Variants in TTC28 observed in about 807,000 individuals in gnomAD.
TTC28 encodes the protein tetratricopeptide repeat protein 28.
Under a neutral mutation model 198.0 loss-of-function variants are expected in TTC28, and 61 were observed. That is an observed-to-expected ratio of 0.31 (90% CI 0.25 to 0.38). The LOEUF is 0.38. Ranked by LOEUF, TTC28 falls within the 10% of genes least tolerant of loss-of-function variation. The pLI is 1.00. For missense variants in TTC28, 2,678 were observed against 3,164.0 expected (o/e 0.85, Z 3.69); for synonymous variants, 1,171 against 1,297.8 (o/e 0.90, Z 2.10).
At chr22:28,257,987 C>A (rs910338243) in intron 5 of TTC28, among the ~76,000 whole-genome samples, 1 of 151,570 alleles carries the variant, frequency 6.6e-6, no homozygotes, top group East Asian at 1.9e-4. Flanking sequence ...GAGTAAAAGG[C>A]CCTCAAAATT....
rs1937029353 is a variant in TTC28 at position 27,981,730 on chromosome 22, A to G, written c.*491T>C. 1 of 153,226 alleles carries G rather than the reference A, an allele frequency of 6.5e-6. No homozygotes were observed. Among genetic ancestry groups the G allele is most frequent in the Non-Finnish European group, 1.5e-5 (1 of 68,840 alleles). The allele number at this position is 153,226 out of a possible 1,614,324, so 9.5% of individuals were successfully genotyped here. Reference sequence around the variant, plus strand: ...TTTTTCTGTTTTTGGCTAATATAACACTTTCCTGTAGAATTCAACTGAAAT... The same window carrying G: ...TTTTTCTGTTTTTGGCTAATATAACGCTTTCCTGTAGAATTCAACTGAAAT... On this transcript the variant is annotated 3_prime_UTR_variant, in exon 23 of 23. Transcript: ENST00000397906.
At chr22:28,655,955 G>A (rs563951609) in intron 1 of TTC28, among the ~76,000 whole-genome samples, 4 of 151,990 alleles carry the variant, frequency 2.6e-5, no homozygotes, top group Admixed American at 2.6e-4. Flanking sequence ...CCTCTATCTC[G>A]TCAGGATTCA....
At chr22:28,299,236 C>T (rs2145788597) in intron 3 of TTC28, among the ~76,000 whole-genome samples, 1 of 148,998 alleles carries the variant, frequency 6.7e-6, no homozygotes, top group Admixed American at 6.6e-5. Context: ...TTCCACTATG[C>T]ACATGTAAAA....
intron 2 of TTC28, among the ~76,000 whole-genome samples, chr22:28,407,647 A>G (rs2047019129): frequency 6.6e-6 from 1 of 152,244 alleles, no homozygotes; most frequent in South Asian, 2.1e-4. Flanking sequence ...TTATTTTATA[A>G]GAAAGAAAAA....
intron 2 of TTC28, among the ~76,000 whole-genome samples, chr22:28,567,934 G>A (rs998441761): frequency 2.0e-5 from 3 of 152,016 alleles, no homozygotes; most frequent in South Asian, 4.1e-4. Flanking sequence ...TACTCAACGT[G>A]TTTCAAATGT....
intron 8 of TTC28, among the ~76,000 whole-genome samples, chr22:28,104,120 C>T (rs1046589515): frequency 6.6e-6 from 1 of 152,200 alleles, no homozygotes; most frequent in Non-Finnish European, 1.5e-5. Flanking sequence ...CTCCTCTTTG[C>T]TTGCTGCTTC....
intron 5 of TTC28, 109 bp downstream of exon 5, chr22:28,296,089 T>C: frequency 8.5e-7 from 1 of 1,178,116 alleles, no homozygotes; most frequent in Non-Finnish European, 1.2e-6. Flanking sequence ...TACTTTCTTC[T>C]GAAAGTAATA....
chr22:28,437,605 T>G (rs2047540442), intron 2 of TTC28, among the ~76,000 whole-genome samples: 1 of 151,998 alleles, frequency 6.6e-6, no homozygotes, highest in Admixed American at 6.5e-5. Flanking sequence ...TTTTTTTGCT[T>G]TGTTTGATAC....
intron 2 of TTC28, among the ~76,000 whole-genome samples, chr22:28,555,558 T>C (rs534195679): frequency 6.6e-5 from 10 of 152,296 alleles, no homozygotes; most frequent in South Asian, 4.2e-4. Flanking sequence ...CTGAATGGAA[T>C]TGGAGACTAT....
chr22:28,362,098 T>A (rs1317878751), intron 2 of TTC28, among the ~76,000 whole-genome samples: 1 of 152,164 alleles, frequency 6.6e-6, no homozygotes, highest in African/African-American at 2.4e-5. Context: ...AGCCCACAAA[T>A]CATGGAGTGA....
At chr22:28,181,406 A>G (rs1485356759) in intron 5 of TTC28, among the ~76,000 whole-genome samples, 1 of 152,114 alleles carries the variant, frequency 6.6e-6, no homozygotes, top group Non-Finnish European at 1.5e-5. Flanking sequence ...TAAGATATGA[A>G]AGTTGGCAAG....
chr22:28,391,608 A>T (rs563863925), intron 2 of TTC28, among the ~76,000 whole-genome samples: 1 of 152,166 alleles, frequency 6.6e-6, no homozygotes, highest in Admixed American at 6.5e-5. Flanking sequence ...TCCATCGCTG[A>T]TACCCTTTCT....
At chr22:28,003,134 G>A (rs1269375114) in intron 14 of TTC28, among the ~76,000 whole-genome samples, 1 of 152,162 alleles carries the variant, frequency 6.6e-6, no homozygotes, top group Non-Finnish European at 1.5e-5. Flanking sequence ...GCACAGGGAG[G>A]AGAAAGAGTT....
intron 2 of TTC28, among the ~76,000 whole-genome samples, chr22:28,352,312 C>CATATATATAT (rs35793503): frequency 2.4e-4 from 34 of 142,766 alleles, no homozygotes; most frequent in African/African-American, 8.3e-4. Flanking sequence ...GAGATATATA[C>CATATATATAT]ATATATATAT....
At chr22:28,183,351 C>T (rs965317659) in intron 5 of TTC28, among the ~76,000 whole-genome samples, 3 of 152,106 alleles carry the variant, frequency 2.0e-5, no homozygotes, top group African/African-American at 4.8e-5. Context: ...AGCTATCATG[C>T]TTGGCCCCTC....
intron 1 of TTC28, among the ~76,000 whole-genome samples, chr22:28,640,600 A>T (rs1450681433): frequency 1.5e-4 from 21 of 140,692 alleles, no homozygotes; most frequent in Non-Finnish European, 1.7e-4. Context: ...ATAAACAGAG[A>T]AAATGTTAAA....
chr22:28,390,358 T>C, intron 2 of TTC28, among the ~76,000 whole-genome samples: 1 of 152,168 alleles, frequency 6.6e-6, no homozygotes, highest in Admixed American at 6.5e-5. Context: ...GTCTATTAGG[T>C]CCACTTGGTG....
intron 2 of TTC28, among the ~76,000 whole-genome samples, chr22:28,458,656 T>C: frequency 6.6e-6 from 1 of 151,800 alleles, no homozygotes; most frequent in East Asian, 1.9e-4. Context: ...CCGAGGTGGG[T>C]GGATCACGAG....
At position 28,005,645 on chromosome 22, in the gene TTC28, G is replaced by A. The variant is rs1277542294; in HGVS notation, c.4219-4092C>T. ...AGCCACGGGCCCAGAGCGCTGTCCC[G>A]TTGCCACCTTGCAGTCTCGGCCTGG... On this transcript the variant is annotated intron_variant, in intron 14 of 22. Coordinates refer to ENST00000397906, the MANE Select transcript of TTC28 (RefSeq NM_001145418.2). This position sits in a 1 kb window ranked among gnomAD's most constrained non-coding sequence, Gnocchi z 4.9. Among the ~76,000 whole-genome samples the A allele has an allele frequency of 2.0e-5, 3 of 152,282 alleles. No homozygotes were observed. The highest frequency in any genetic ancestry group is 2.9e-5 in the Non-Finnish European group (2 of 68,020).
Sources: gnomAD v4.1 joint callset for allele counts (sites outside exome capture counted in the v4.1 genomes callset) on GRCh38, gnomAD v4.1.1 for gene constraint, Gnocchi (gnomAD v3.1) non-coding constraint, MANE v1.5 for transcripts, NCBI Gene and HGNC (gene_info 2026-07-23, HGNC 2026-07-21) for gene names.